The following SLC24A2 variants were observed in gnomAD, a reference collection of about 807,000 sequenced individuals.
SLC24A2 encodes solute carrier family 24 member 2, also known as sodium/potassium/calcium exchanger 2.
Under a neutral mutation model 62.0 loss-of-function variants are expected in SLC24A2, and 36 were observed. The observed-to-expected ratio is 0.58, with a 90% CI of 0.44 to 0.77. SLC24A2 has a LOEUF of 0.77. Ranked by LOEUF, SLC24A2 falls within the 30% of genes least tolerant of loss-of-function variation. The pLI, the probability that SLC24A2 is intolerant of heterozygous loss-of-function variation, is 0.00. For missense variants in SLC24A2, 846 were observed against 817.9 expected (o/e 1.03, Z -0.42); for synonymous variants, 358 against 294.0 (o/e 1.22, Z -2.23).
intron 4 of SLC24A2, among the ~76,000 whole-genome samples, chr9:19,607,816 G>C (rs368034666): frequency 2.0e-5 from 3 of 151,930 alleles, no homozygotes; most frequent in Admixed American, 1.3e-4. Flanking sequence ...AAGAGAGAGG[G>C]AACTTTTCTC....
chr9:19,861,418 C>G, the SLC24A2 span, among the ~76,000 whole-genome samples: 1 of 152,168 alleles, frequency 6.6e-6, no homozygotes, highest in Non-Finnish European at 1.5e-5. Context: ...CAGCTTACAT[C>G]CTAATGCCCA....
At chr9:19,754,344 C>A (rs1202289096) in intron 2 of SLC24A2, among the ~76,000 whole-genome samples, 1 of 152,210 alleles carries the variant, frequency 6.6e-6, no homozygotes, top group African/African-American at 2.4e-5. Context: ...TGGAGCATGA[C>A]AATCTCATGA....
chr9:19,676,298 G>T (rs1416874791), intron 2 of SLC24A2, among the ~76,000 whole-genome samples: 1 of 152,198 alleles, frequency 6.6e-6, no homozygotes, highest in Non-Finnish European at 1.5e-5. Context: ...TTCCTGGTAT[G>T]TTCCTGCAGT....
intron 2 of SLC24A2, among the ~76,000 whole-genome samples, chr9:19,768,568 T>G (rs1822587788): frequency 6.6e-6 from 1 of 152,170 alleles, no homozygotes; most frequent in African/African-American, 2.4e-5. Flanking sequence ...AAGTGACTAA[T>G]GGGTGGGTAG....
chr9:20,011,042 C>T, the SLC24A2 span, among the ~76,000 whole-genome samples: 550 of 152,198 alleles, frequency 3.6e-3, 9 homozygotes, highest in African/African-American at 0.013. Context: ...CAGGTCTTTG[C>T]TATTTTGAAT....
At chr9:20,224,898 A>T in the SLC24A2 span, among the ~76,000 whole-genome samples, 1 of 152,072 alleles carries the variant, frequency 6.6e-6, no homozygotes, top group Non-Finnish European at 1.5e-5. Context: ...AGCTACTTCA[A>T]CTAGAAATGT....
At chr9:19,810,846 A>G in the SLC24A2 span, among the ~76,000 whole-genome samples, 2 of 152,262 alleles carry the variant, frequency 1.3e-5, no homozygotes, top group Non-Finnish European at 2.9e-5. Flanking sequence ...AATTTGTAGC[A>G]TAGTTGACTA....
At chr9:19,529,535 A>G (rs1486135117) in intron 8 of SLC24A2, among the ~76,000 whole-genome samples, 1 of 152,116 alleles carries the variant, frequency 6.6e-6, no homozygotes. Context: ...GGATGACTGT[A>G]AGACCAAGCA....
the SLC24A2 span, among the ~76,000 whole-genome samples, chr9:19,878,704 G>T: frequency 6.6e-6 from 1 of 152,002 alleles, no homozygotes; most frequent in Non-Finnish European, 1.5e-5. Context: ...AGACCTGCTT[G>T]TTTCCCCTTT....
chr9:20,177,072 C>T, the SLC24A2 span, among the ~76,000 whole-genome samples: 1 of 152,032 alleles, frequency 6.6e-6, no homozygotes, highest in African/African-American at 2.4e-5. Flanking sequence ...TTATTTTGAC[C>T]ATAGGTCTCC....
chr9:19,724,840 A>G (rs1821124492), intron 2 of SLC24A2, among the ~76,000 whole-genome samples: 1 of 152,202 alleles, frequency 6.6e-6, no homozygotes, highest in South Asian at 2.1e-4. Flanking sequence ...GCGTATTTCA[A>G]ACACAAACAC....
the SLC24A2 span, among the ~76,000 whole-genome samples, chr9:20,081,595 G>A: frequency 4.6e-5 from 7 of 151,910 alleles, no homozygotes; most frequent in East Asian, 1.9e-4. Flanking sequence ...AAACCTGCAC[G>A]TTGTGCACGT....
chr9:19,871,353 G>T, the SLC24A2 span, among the ~76,000 whole-genome samples: 1 of 152,030 alleles, frequency 6.6e-6, no homozygotes, highest in African/African-American at 2.4e-5. Context: ...TATGTTGATG[G>T]TACTTTGGGT....
chr9:20,073,214 T>C, the SLC24A2 span, among the ~76,000 whole-genome samples: 24 of 152,174 alleles, frequency 1.6e-4, 1 homozygote, highest in Admixed American at 6.6e-5. Flanking sequence ...TAGGATTCTC[T>C]TTTAAGCCAT....
At chr9:19,950,561 T>G in the SLC24A2 span, among the ~76,000 whole-genome samples, 6 of 152,232 alleles carry the variant, frequency 3.9e-5, no homozygotes, top group East Asian at 7.7e-4. Context: ...CTTGGCACTT[T>G]CAGGATAACC....
At chr9:19,549,991 A>G (rs1347197742) in intron 8 of SLC24A2, 146 bp downstream of exon 8, 2 of 754,418 alleles carry the variant, frequency 2.7e-6, no homozygotes, top group African/African-American at 3.5e-5. Context: ...TTGTTACATA[A>G]TAGTTGTACC....
chr9:20,056,604 T>C, the SLC24A2 span, among the ~76,000 whole-genome samples: 3 of 152,232 alleles, frequency 2.0e-5, no homozygotes, highest in Admixed American at 2.0e-4. Context: ...TTTCCTAACC[T>C]GTGTGAATTC....
At chr9:19,838,924 C>T in the SLC24A2 span, among the ~76,000 whole-genome samples, 3,382 of 152,018 alleles carry the variant, frequency 0.022, 131 homozygotes, top group African/African-American at 0.077. Context: ...TCTGCACAGC[C>T]AAAGAAACTA....
chr9:19,970,555 GA>G, the SLC24A2 span, among the ~76,000 whole-genome samples: 105 of 152,256 alleles, frequency 6.9e-4, no homozygotes, highest in Non-Finnish European at 1.2e-3. Flanking sequence ...AGTTTTATGA[GA>G]AAAGCATTAA....
Sources: gnomAD v4.1 joint callset for allele counts (sites outside exome capture counted in the v4.1 genomes callset) on GRCh38, gnomAD v4.1.1 for gene constraint, MANE v1.5 for transcripts, NCBI Gene and HGNC (gene_info 2026-07-23, HGNC 2026-07-21) for gene names.